TMEM131: variants seen among roughly 807,000 people sequenced by gnomAD.
The protein encoded by TMEM131 is 2610524E03Rik.
TMEM131 carries 66 observed loss-of-function variants against 211.6 expected under a neutral mutation model. The ratio of observed to expected loss-of-function variants is 0.31; its 90% CI spans 0.26 to 0.38. The LOEUF is 0.38. Among genes scored for constraint, TMEM131 ranks in the 10% least tolerant of loss-of-function variants. TMEM131 has a pLI of 1.00. For synonymous variants in TMEM131, 844 were observed against 841.3 expected, an observed-to-expected ratio of 1.00 and a Z score of -0.06; for missense variants, 2,036 against 2,299.3, an observed-to-expected ratio of 0.89 and a Z score of 2.34.
At chr2:97,770,356 G>A (rs1271977058) in intron 33 of TMEM131, among the ~76,000 whole-genome samples, 4 of 152,186 alleles carry the variant, frequency 2.6e-5, no homozygotes, top group African/African-American at 9.7e-5. Flanking sequence ...TCAGATAAAG[G>A]AGGATAGAAG....
Position 97,943,012 on chromosome 2 carries a change from A to AG in TMEM131, c.188-15526_188-15525insC, listed in dbSNP as rs1199864112. Among the ~76,000 whole-genome samples the AG allele has an allele frequency of 1.5e-3, 107 of 70,186 alleles. 4 individuals carry two copies. The highest frequency in any genetic ancestry group is 8.5e-3 in the Middle Eastern group (1 of 118). 46.0% of individuals were successfully genotyped at this position (70,186 alleles called of 152,430 possible). On this transcript the variant is annotated intron_variant, in intron 1 of 40. Transcript: ENST00000186436. ...AAGAAAGAAAAGAAAGAAAAGAAAGAAAAGAAAAGAAAAGAAAAGAAAAGA... is the reference window on the plus strand; with the variant it reads ...AAGAAAGAAAAGAAAGAAAAGAAAGAGAAAGAAAAGAAAAGAAAAGAAAAGA...
intron 4 of TMEM131, among the ~76,000 whole-genome samples, chr2:97,862,048 T>C (rs998267006): frequency 2.6e-5 from 4 of 152,100 alleles, no homozygotes; most frequent in African/African-American, 9.7e-5. Context: ...GACTGTTTGT[T>C]TGGGAGACAG....
chr2:97,868,223 A>G (rs1217022038), intron 4 of TMEM131, among the ~76,000 whole-genome samples: 1 of 152,224 alleles, frequency 6.6e-6, no homozygotes, highest in East Asian at 1.9e-4. Flanking sequence ...AAATTAACAC[A>G]GCCCTTTCAC....
chr2:97,932,483 T>C (rs1677269863), intron 1 of TMEM131, among the ~76,000 whole-genome samples: 1 of 152,248 alleles, frequency 6.6e-6, no homozygotes, highest in Admixed American at 6.5e-5. Context: ...AATGCCCATG[T>C]TGTTTACTAA....
intron 2 of TMEM131, among the ~76,000 whole-genome samples, chr2:97,922,210 G>C (rs1049388577): frequency 1.3e-5 from 2 of 152,146 alleles, no homozygotes; most frequent in Admixed American, 6.5e-5. Context: ...ACTCCTATGA[G>C]AATCTAATGC....
At position 97,814,051 on chromosome 2, in the gene TMEM131, G is replaced by A; in HGVS notation, c.1537C>T (p.His513Tyr). 6.2e-7 allele frequency: 1 copy of A among 1,601,944 alleles called. No homozygotes were observed. The highest frequency in any genetic ancestry group is 1.3e-5 in the African/African-American group (1 of 74,906). The change falls in exon 15 of 41, where the codon CAC becomes TAC. Residue 513 changes from histidine to tyrosine, a missense_variant. His to Tyr is a moderately conservative substitution (Grantham distance 83, BLOSUM62 2). Around this residue, in one of 3 missense-constraint regions of TMEM131, gnomAD observed 1,623 missense variants for 1,805.9 expected, o/e 0.90. Transcript: ENST00000186436. ...ATAAGTAAAATGTTGTTATCAATGT[G>A]CATGGATGATGTGGAAGGCATAAAA... is the stretch of plus-strand genomic sequence containing the variant. ...LLFMPSTSSM[H>Y]IDNNILLITN...
At chr2:97,773,314 A>G (rs1308184588) in intron 32 of TMEM131, among the ~76,000 whole-genome samples, 1 of 152,188 alleles carries the variant, frequency 6.6e-6, no homozygotes, top group Non-Finnish European at 1.5e-5. Context: ...CCATAGGATT[A>G]CCAAGAGGGC....
At chr2:97,990,770 T>G (rs1188115368) in intron 1 of TMEM131, among the ~76,000 whole-genome samples, 4 of 152,228 alleles carry the variant, frequency 2.6e-5, no homozygotes, top group African/African-American at 9.6e-5. Context: ...ACTCTCAGGT[T>G]CTCAGGTATA....
At position 97,762,023 on chromosome 2, in the gene TMEM131, CAGCA is replaced by C. The variant is rs1272278850; in HGVS notation, c.4889+8_4889+11del. 6.5e-7 allele frequency: 1 copy of C among 1,542,814 alleles called. No homozygotes were observed. Among genetic ancestry groups the C allele is most frequent in the African/African-American group, 1.4e-5 (1 of 71,784 alleles). ...TTCAAGCTGAGAACCGGAAAGGAAG[CAGCA>C]GGCCTACCTGCTGGAGCTGCTGTTG... On this transcript the variant is annotated splice_region_variant and intron_variant, in intron 36 of 40. Coordinates refer to ENST00000186436, the MANE Select transcript of TMEM131 (RefSeq NM_015348.2).
intron 19 of TMEM131, among the ~76,000 whole-genome samples, chr2:97,805,969 C>T (rs1406810407): frequency 6.6e-6 from 1 of 152,154 alleles, no homozygotes; most frequent in East Asian, 1.9e-4. Context: ...TTAACATTCA[C>T]ACTTTCATGT....
chr2:97,944,890 A>C (rs1677960053), intron 1 of TMEM131, among the ~76,000 whole-genome samples: 1 of 152,202 alleles, frequency 6.6e-6, no homozygotes, highest in Non-Finnish European at 1.5e-5. Flanking sequence ...CACACTGGAA[A>C]ACAGTTGGGT....
chr2:97,914,544 T>C (rs1163335149), intron 2 of TMEM131, among the ~76,000 whole-genome samples: 1 of 152,092 alleles, frequency 6.6e-6, no homozygotes, highest in African/African-American at 2.4e-5. Context: ...CTCCTGCCCT[T>C]CCCCCCAAGC....
chr2:97,839,066 G>A (rs192767520), intron 7 of TMEM131, among the ~76,000 whole-genome samples: 10 of 152,216 alleles, frequency 6.6e-5, no homozygotes, highest in Non-Finnish European at 1.2e-4. Flanking sequence ...GCTCATGCCT[G>A]TAATCCCGGC....
chr2:97,803,081 C>T (rs1054367349), intron 22 of TMEM131, among the ~76,000 whole-genome samples: 5 of 152,046 alleles, frequency 3.3e-5, no homozygotes, highest in African/African-American at 4.8e-5. Flanking sequence ...GCGTAAGTTT[C>T]GAAAAACCTT....
At chr2:97,794,022 A>AC (rs1559363385) in intron 29 of TMEM131, among the ~76,000 whole-genome samples, 2 of 147,056 alleles carry the variant, frequency 1.4e-5, no homozygotes, top group Non-Finnish European at 3.0e-5. Context: ...AAAACAAAAA[A>AC]CCCACAGTTT....
chr2:97,993,410 A>G (rs1680346088), intron 1 of TMEM131, among the ~76,000 whole-genome samples: 1 of 152,214 alleles, frequency 6.6e-6, no homozygotes, highest in African/African-American at 2.4e-5. Context: ...ACAATCACGT[A>G]AGAAAATAAA....
chr2:97,972,094 G>C (rs1224066524), intron 1 of TMEM131, among the ~76,000 whole-genome samples: 1 of 152,030 alleles, frequency 6.6e-6, no homozygotes, highest in African/African-American at 2.4e-5. Flanking sequence ...TGTAATCCCA[G>C]CTACTCGGGA....
chr2:97,860,084 T>C (rs994254169), intron 4 of TMEM131, among the ~76,000 whole-genome samples: 1 of 152,226 alleles, frequency 6.6e-6, no homozygotes, highest in Non-Finnish European at 1.5e-5. Flanking sequence ...ATGGTTTGCC[T>C]TAGAAGTGAA....
chr2:97,804,835 C>T (rs1048263735), intron 22 of TMEM131, among the ~76,000 whole-genome samples: 2 of 152,026 alleles, frequency 1.3e-5, no homozygotes, highest in East Asian at 3.9e-4. Context: ...AGAACAACTT[C>T]AAATATTTTC....
Sources: allele counts gnomAD v4.1 joint callset (sites outside exome capture counted in the v4.1 genomes callset), GRCh38; gene constraint gnomAD v4.1.1; regional missense constraint gnomAD v4.1.1; transcripts MANE v1.5; gene names NCBI Gene and HGNC (gene_info 2026-07-23, HGNC 2026-07-21).